CSMD3: variants seen among roughly 807,000 people sequenced by gnomAD.
CSMD3 encodes the protein CUB and sushi domain-containing protein 3.
A neutral mutation model predicts 435.2 loss-of-function variants in CSMD3; 177 were observed. That is an observed-to-expected ratio of 0.41 (90% confidence interval 0.36 to 0.46). The LOEUF (loss-of-function observed/expected upper bound fraction) is 0.46, where lower values mean the gene tolerates loss of function less well. CSMD3 is among the 20% of genes least tolerant of loss of function. The probability of loss-of-function intolerance (pLI) is 0.34; values close to 1 mark genes in which losing one functional copy is unlikely to be tolerated. For missense variants in CSMD3, 4,265 were observed against 4,504.6 expected (o/e 0.95, Z 1.52); for synonymous variants, 1,656 against 1,520.5 (o/e 1.09, Z -2.07).
At chr8:112,752,080 A>G (rs2077584005) in intron 13 of CSMD3, among the ~76,000 whole-genome samples, 2 of 152,242 alleles carry the variant, frequency 1.3e-5, no homozygotes, top group South Asian at 4.1e-4. Flanking sequence ...TGTAAGGAAT[A>G]CCAATGTCTT....
chr8:113,027,620 T>G lies in CSMD3; in HGVS notation c.918-8441A>C, dbSNP rs532086399. 1.1e-4 allele frequency among the ~76,000 whole-genome samples: 16 copies of G among 152,292 alleles called. No homozygotes were observed. In the East Asian group the frequency reaches 3.1e-3, roughly 29 times the overall value. ...AATAGCATTACAAATCTAAGTATTG[T>G]GTTAGGCAGTCCACTCTTCAGAAGC... On this transcript the variant is annotated intron_variant, in intron 5 of 70. Coordinates refer to ENST00000297405, the MANE Select transcript of CSMD3 (RefSeq NM_198123.2).
chr8:112,659,795 G>C (rs1206149140), intron 17 of CSMD3, among the ~76,000 whole-genome samples: 1 of 151,954 alleles, frequency 6.6e-6, no homozygotes, highest in African/African-American at 2.4e-5. Flanking sequence ...TTGCTATTTT[G>C]TTTTGTATTT....
At chr8:112,227,193 T>G (rs1428125244) in intron 70 of CSMD3, among the ~76,000 whole-genome samples, 3 of 152,204 alleles carry the variant, frequency 2.0e-5, no homozygotes, top group African/African-American at 7.2e-5. Flanking sequence ...AATTGATGAA[T>G]GGACACATTC....
Position 112,883,128 on chromosome 8 carries a change from G to A in CSMD3, c.1634-23862C>T, listed in dbSNP as rs547833561. ...AAAGGAGCACACTTTTGCTTAAAAT[G>A]TTCACACATATCTGAACCCCAGGCC... On this transcript the variant is annotated intron_variant, in intron 10 of 70. Coordinates refer to ENST00000297405, the MANE Select transcript of CSMD3 (RefSeq NM_198123.2). Among the ~76,000 whole-genome samples, 6 of 152,008 alleles carry A rather than the reference G, an allele frequency of 3.9e-5. No individual in the cohort carries two copies. In the South Asian group the frequency reaches 1.2e-3, roughly 31 times the overall value.
At chr8:112,714,603 C>A (rs2076683142) in intron 13 of CSMD3, among the ~76,000 whole-genome samples, 1 of 152,136 alleles carries the variant, frequency 6.6e-6, no homozygotes, top group Admixed American at 6.6e-5. Flanking sequence ...ACTCTCCACC[C>A]CAAATCAATG....
intron 56 of CSMD3, among the ~76,000 whole-genome samples, chr8:112,290,572 T>G (rs1388140657): frequency 6.6e-6 from 1 of 151,842 alleles, no homozygotes; most frequent in South Asian, 2.1e-4. Flanking sequence ...CAGCAAAAAG[T>G]GTTGTTTCTT....
intron 59 of CSMD3, 25 bp downstream of exon 59, chr8:112,281,149 T>A: frequency 1.9e-6 from 3 of 1,552,818 alleles, no homozygotes; most frequent in Non-Finnish European, 2.7e-6. Context: ...AATTACTGAT[T>A]TTTAAATATT....
intron 10 of CSMD3, among the ~76,000 whole-genome samples, chr8:112,872,161 A>C (rs1359979625): frequency 6.6e-6 from 1 of 152,060 alleles, no homozygotes; most frequent in African/African-American, 2.4e-5. Context: ...AAACCTATTT[A>C]AATCAGCATC....
At chr8:113,292,827 C>A (rs1170937206) in intron 2 of CSMD3, among the ~76,000 whole-genome samples, 1 of 150,116 alleles carries the variant, frequency 6.7e-6, no homozygotes, top group Non-Finnish European at 1.5e-5. Context: ...TTGCACCAAC[C>A]TAATAAAAAA....
chr8:112,896,305 C>T (rs892550966), intron 10 of CSMD3, among the ~76,000 whole-genome samples: 6 of 151,368 alleles, frequency 4.0e-5, no homozygotes, highest in Non-Finnish European at 7.4e-5. Flanking sequence ...AAACTTGAGA[C>T]GATTCCAGCT....
intron 20 of CSMD3, among the ~76,000 whole-genome samples, chr8:112,641,075 T>C (rs1019661557): frequency 3.2e-4 from 49 of 152,230 alleles, no homozygotes; most frequent in Admixed American, 4.6e-4. Flanking sequence ...TAGAGTTGTT[T>C]TGCAATTTAA....
At chr8:112,461,453 A>C (rs554987873) in intron 32 of CSMD3, among the ~76,000 whole-genome samples, 1 of 152,180 alleles carries the variant, frequency 6.6e-6, no homozygotes, top group Non-Finnish European at 1.5e-5. Context: ...TATTTCAAAT[A>C]TTTTCCCATA....
At chr8:112,885,856 A>G (rs942930781) in intron 10 of CSMD3, among the ~76,000 whole-genome samples, 3 of 151,726 alleles carry the variant, frequency 2.0e-5, no homozygotes, top group African/African-American at 7.3e-5. Context: ...CTATCTGTTC[A>G]TCATCCTAGG....
chr8:112,589,314 T>TG (rs1830982607), intron 22 of CSMD3, among the ~76,000 whole-genome samples: 1 of 152,154 alleles, frequency 6.6e-6, no homozygotes, highest in Non-Finnish European at 1.5e-5. Flanking sequence ...TCTCACAATC[T>TG]GAGCCTTTGA....
chr8:113,335,301 G>A (rs187723665), intron 1 of CSMD3, among the ~76,000 whole-genome samples: 2 of 151,928 alleles, frequency 1.3e-5, no homozygotes, highest in East Asian at 1.9e-4. Context: ...ACCCAGTCTC[G>A]GGTATTTCTT....
At chr8:112,350,776 G>A (rs1014768042) in intron 40 of CSMD3, among the ~76,000 whole-genome samples, 2 of 152,050 alleles carry the variant, frequency 1.3e-5, no homozygotes, top group African/African-American at 2.4e-5. Context: ...ATCTCATGAG[G>A]TGTCATACTC....
chr8:113,336,243 G>T (rs923563977), intron 1 of CSMD3, among the ~76,000 whole-genome samples: 1 of 150,236 alleles, frequency 6.7e-6, no homozygotes, highest in Non-Finnish European at 1.5e-5. Flanking sequence ...TATACTTTTC[G>T]TAGATTTTGA....
chr8:113,418,689 T>C (rs1280758241), intron 1 of CSMD3, among the ~76,000 whole-genome samples: 1 of 152,218 alleles, frequency 6.6e-6, no homozygotes, highest in African/African-American at 2.4e-5. Flanking sequence ...CTGTCTGTAC[T>C]ACTGAGCCAC....
chr8:112,292,698 C>G lies in CSMD3; in HGVS notation c.8627G>C (p.Gly2876Ala), dbSNP rs2130691071. Residue 2876 changes from glycine (G) to alanine (A), a missense_variant, in exon 55 of 71, where the codon GGT becomes GCT. By Grantham distance (60) the Gly-to-Ala change is moderately conservative. Transcript: ENST00000297405. ...QLPSCVPVSC[G>A]HPGSPIYGRT... ...TCCATAAATTGGACTACCAGGGTGACCACAGCTAACAGCTAATAAGATGTG... is the reference window on the plus strand; with the variant it reads ...TCCATAAATTGGACTACCAGGGTGAGCACAGCTAACAGCTAATAAGATGTG... 6.2e-7 allele frequency: 1 copy of G among 1,613,566 alleles called. No homozygotes were observed.
Sources: gnomAD v4.1 joint callset for allele counts (sites outside exome capture counted in the v4.1 genomes callset) on GRCh38, gnomAD v4.1.1 for gene constraint, MANE v1.5 for transcripts, NCBI Gene and HGNC (gene_info 2026-07-23, HGNC 2026-07-21) for gene names.